The following ANKRD44 variants were observed in gnomAD, a reference collection of about 807,000 sequenced individuals.
ANKRD44 encodes the protein serine/threonine-protein phosphatase 6 regulatory ankyrin repeat subunit B.
ANKRD44 carries 35 observed loss-of-function variants against 116.0 expected under a neutral mutation model. The ratio of observed to expected loss-of-function variants is 0.30; its 90% CI spans 0.23 to 0.40. The LOEUF is 0.40. Ranked by LOEUF, ANKRD44 falls within the 10% of genes least tolerant of loss-of-function variation. ANKRD44 has a pLI of 1.00. For synonymous variants in ANKRD44, 435 were observed against 461.8 expected, an observed-to-expected ratio of 0.94 and a Z score of 0.74; for missense variants, 1,014 against 1,242.6, an observed-to-expected ratio of 0.82 and a Z score of 2.77.
In ANKRD44 at chr2:197,229,461, T is replaced by G. The variant is rs927340974; in HGVS notation, c.28-42355A>C. ...TTTCCCCAAAAGGAGTTATAATAAC[T>G]CTAGTTAATTAAGTCCTTTAAAAGC... On this transcript the variant is annotated intron_variant, in intron 1 of 27. Coordinates refer to ENST00000282272, the MANE Select transcript of ANKRD44 (RefSeq NM_001195144.2). Among the ~76,000 whole-genome samples, 5 of 152,184 alleles carry G rather than the reference T, an allele frequency of 3.3e-5. No homozygotes were observed. The East Asian group carries it at 9.6e-4, about 29-fold the overall frequency.
chr2:197,263,484 C>T, intron 1 of ANKRD44: 2 of 400,674 alleles, frequency 5.0e-6, no homozygotes, highest in South Asian at 3.3e-5. Context: ...TCTAGGAAAC[C>T]ATGGGGCTCT....
intron 2 of ANKRD44, among the ~76,000 whole-genome samples, chr2:197,171,995 T>C (rs1352475099): frequency 4.0e-5 from 1 of 25,158 alleles, no homozygotes; most frequent in African/African-American, 5.4e-5. Flanking sequence ...CCGTTATTTT[T>C]CTTCTTTTTT....
intron 4 of ANKRD44, among the ~76,000 whole-genome samples, chr2:197,130,813 T>C (rs970014708): frequency 1.2e-4 from 18 of 152,358 alleles, no homozygotes; most frequent in African/African-American, 4.3e-4. Context: ...GGGTAGAACA[T>C]AAGTTTTTAA....
At chr2:196,998,732 A>G (rs1175908261) in intron 24 of ANKRD44, among the ~76,000 whole-genome samples, 175 bp downstream of exon 24, 1 of 152,248 alleles carries the variant, frequency 6.6e-6, no homozygotes, top group Admixed American at 6.5e-5. Context: ...TCCACCAAGA[A>G]TCAAAAAACA....
chr2:196,985,312 T>C (rs374911638), downstream of ANKRD44, among the ~76,000 whole-genome samples: 4 of 152,148 alleles, frequency 2.6e-5, no homozygotes, highest in African/African-American at 9.7e-5. Flanking sequence ...AAACTGTGGG[T>C]TAGGAAACAT....
chr2:197,187,239 A>G, intron 1 of ANKRD44, 133 bp from the exon 2 acceptor site: 1 of 786,442 alleles, frequency 1.3e-6, no homozygotes, highest in Non-Finnish European at 2.1e-6. Context: ...GATGAATAAG[A>G]CTCAGACCAA....
intron 1 of ANKRD44, among the ~76,000 whole-genome samples, chr2:197,270,366 G>A (rs2082864005): frequency 1.3e-5 from 2 of 152,164 alleles, no homozygotes; most frequent in Admixed American, 1.3e-4. Flanking sequence ...CATGAGATCT[G>A]AGGAGGTGGG....
intron 1 of ANKRD44, among the ~76,000 whole-genome samples, chr2:197,191,077 G>C (rs1162085444): frequency 1.3e-5 from 2 of 152,154 alleles, no homozygotes; most frequent in African/African-American, 4.8e-5. Flanking sequence ...TCCTAAGAGA[G>C]GTATGCAGTC....
Position 196,981,634 on chromosome 2 carries a change from G to A in ANKRD44, c.2368+11949C>T, listed in dbSNP as rs113307251. On this transcript the variant is annotated intron_variant, in intron 21 of 21. Transcript: ENST00000424317. The stretch of plus-strand genomic sequence containing the variant: ...CTACTAAAAATTTTTTTAAAAATCC[G>A]CCAAGTGTGGTGGTGTGTGCCTGTA... Among the ~76,000 whole-genome samples the A allele has an allele frequency of 4.5e-3, 681 of 152,146 alleles. 7 individuals are homozygous for A. The highest frequency in any genetic ancestry group is 0.014 in the African/African-American group (595 of 41,492).
chr2:197,017,614 C>T (rs1184584205), intron 17 of ANKRD44, among the ~76,000 whole-genome samples: 4 of 152,196 alleles, frequency 2.6e-5, no homozygotes, highest in Non-Finnish European at 5.9e-5. Flanking sequence ...ATATCCCAGT[C>T]CCACTTCTCC....
At chr2:197,158,692 C>G (rs1169170883) in intron 2 of ANKRD44, among the ~76,000 whole-genome samples, 1 of 152,064 alleles carries the variant, frequency 6.6e-6, no homozygotes, top group Non-Finnish European at 1.5e-5. Context: ...TTAAACTTAA[C>G]CTGGAAGGGC....
intron 1 of ANKRD44, among the ~76,000 whole-genome samples, chr2:197,303,004 A>G (rs2105916844): frequency 6.6e-6 from 1 of 152,378 alleles, no homozygotes; most frequent in East Asian, 1.9e-4. Flanking sequence ...TCCTGTAAGA[A>G]GTTCAAGAGG....
intron 1 of ANKRD44, among the ~76,000 whole-genome samples, chr2:197,198,264 TCTCTTCTGTGGAACTG>T (rs2081006484): frequency 6.6e-6 from 1 of 152,028 alleles, no homozygotes; most frequent in African/African-American, 2.4e-5. Flanking sequence ...AAATTTGAGC[TCTCTTCTGTGGAACTG>T]GGGGAGCAGT....
intron 3 of ANKRD44, among the ~76,000 whole-genome samples, chr2:197,144,220 ATGCCAGCAGGAATTTAGCAAGCTT>A (rs1232009949): frequency 6.6e-6 from 1 of 152,238 alleles, no homozygotes; most frequent in Non-Finnish European, 1.5e-5. Flanking sequence ...ACAGGAGATA[ATGCCAGCAGGAATTTAGCAAGCTT>A]GGGTTACACC....
At chr2:197,076,866 T>C (rs533424615) in intron 16 of ANKRD44, among the ~76,000 whole-genome samples, 1 of 152,354 alleles carries the variant, frequency 6.6e-6, no homozygotes, top group South Asian at 2.1e-4. Flanking sequence ...TAGTATTCCA[T>C]GGTATCTATG....
chr2:197,039,690 T>A (rs1175920048), intron 16 of ANKRD44, among the ~76,000 whole-genome samples: 3 of 27,200 alleles, frequency 1.1e-4, no homozygotes, highest in Non-Finnish European at 6.8e-5. Flanking sequence ...CGTGTGTGTG[T>A]GTGTGTGTGT....
chr2:197,105,057 T>C (rs2078392539), intron 9 of ANKRD44, among the ~76,000 whole-genome samples: 1 of 152,178 alleles, frequency 6.6e-6, no homozygotes, highest in Non-Finnish European at 1.5e-5. Context: ...ATAGAAATAC[T>C]GATCTTTCTT....
rs116347086 is a variant in ANKRD44, at chr2:197,019,503, T to C, written c.1722+5693A>G. ...CCTGTTATTCCCATTTTGCCCAGGA[T>C]GACACAGAAGGGCAGAGATGATAAC... On this transcript the variant is annotated intron_variant, in intron 17 of 27. Coordinates refer to ENST00000282272, the MANE Select transcript of ANKRD44 (RefSeq NM_001195144.2). Among the ~76,000 whole-genome samples the C allele has an allele frequency of 7.1e-3, 1,082 of 152,224 alleles. 11 individuals carry two copies. The highest frequency in any genetic ancestry group is 0.025 in the African/African-American group (1,019 of 41,536).
At position 197,144,044 on chromosome 2, in the gene ANKRD44, C is replaced by T. The variant is rs148264416; in HGVS notation, c.190+2983G>A. On this transcript the variant is annotated intron_variant, in intron 3 of 27. Coordinates refer to ENST00000282272, the MANE Select transcript of ANKRD44 (RefSeq NM_001195144.2). ...TTCTCACTGATCTCTCTGACTTAAT[C>T]CAGATTCGACCAGTTCCCAAACAGA... 3.3e-3 allele frequency among the ~76,000 whole-genome samples: 502 copies of T among 152,324 alleles called. 2 individuals carry two copies. The highest frequency in any genetic ancestry group is 0.014 in the Middle Eastern group (4 of 294).
Sources: allele counts gnomAD v4.1 joint callset (sites outside exome capture counted in the v4.1 genomes callset), GRCh38; gene constraint gnomAD v4.1.1; transcripts MANE v1.5; gene names NCBI Gene and HGNC (gene_info 2026-07-23, HGNC 2026-07-21).